The following UBAP2 variants were observed in gnomAD, a reference collection of about 807,000 sequenced individuals.
UBAP2 encodes the protein ubiquitin associated protein 2.
A neutral mutation model predicts 139.6 loss-of-function variants in UBAP2; 75 were observed. The observed-to-expected ratio is 0.54, with a 90% CI of 0.45 to 0.65. The LOEUF is 0.65. UBAP2 is among the 30% of genes least tolerant of loss of function. The pLI, the probability that UBAP2 is intolerant of heterozygous loss-of-function variation, is 0.00. For synonymous variants in UBAP2, 526 were observed against 526.2 expected, an observed-to-expected ratio of 1.00 and a Z score of 0.01; for missense variants, 1,368 against 1,369.6, an observed-to-expected ratio of 1.00 and a Z score of 0.02.
chr9:34,027,311 C>A (rs191594337), intron 1 of UBAP2, among the ~76,000 whole-genome samples: 24 of 151,678 alleles, frequency 1.6e-4, no homozygotes, highest in Admixed American at 1.3e-3. Flanking sequence ...TGAAACCCTA[C>A]CCTACTAAAA....
chr9:34,016,309 G>GC (rs1824305747), intron 2 of UBAP2, among the ~76,000 whole-genome samples: 1 of 122,350 alleles, frequency 8.2e-6, no homozygotes, highest in African/African-American at 3.2e-5. Context: ...GGAGGAAGAG[G>GC]AGGAAGAGAA....
chr9:34,014,636 C>T lies in UBAP2; in HGVS notation c.99+2414G>A, dbSNP rs185525601. Among the ~76,000 whole-genome samples, 6 of 149,508 alleles carry T rather than the reference C, an allele frequency of 4.0e-5. No homozygotes were observed. In the East Asian group the frequency reaches 1.2e-3, roughly 29 times the overall value. On this transcript the variant is annotated intron_variant, in intron 2 of 28. Coordinates refer to ENST00000379238, the MANE Select transcript of UBAP2 (RefSeq NM_001370062.2). ...AGAAGGAGACTCCATCTCGAAGAAACAAAAAAAAATTAGGCAGGCATGATG... is the reference window on the plus strand; with the variant it reads ...AGAAGGAGACTCCATCTCGAAGAAATAAAAAAAAATTAGGCAGGCATGATG...
At chr9:34,009,008 G>C (rs1442036209) in intron 2 of UBAP2, among the ~76,000 whole-genome samples, 1 of 150,040 alleles carries the variant, frequency 6.7e-6, no homozygotes, top group African/African-American at 2.4e-5. Flanking sequence ...AGGATAGCGG[G>C]GTGAATATAT....
At chr9:34,037,033 G>A (rs1272538941) in intron 1 of UBAP2, among the ~76,000 whole-genome samples, 1 of 144,942 alleles carries the variant, frequency 6.9e-6, no homozygotes, top group Non-Finnish European at 1.5e-5. Context: ...CTATCACCCG[G>A]GCTGGAGTGC....
intron 6 of UBAP2, among the ~76,000 whole-genome samples, chr9:33,977,135 T>C (rs1415665565): frequency 1.3e-5 from 2 of 150,602 alleles, no homozygotes; most frequent in Non-Finnish European, 3.0e-5. Flanking sequence ...ACCTCCCAGG[T>C]TCAGGCAATT....
intron 16 of UBAP2, among the ~76,000 whole-genome samples, chr9:33,937,653 A>T (rs907718928): frequency 6.6e-6 from 1 of 150,376 alleles, no homozygotes; most frequent in Non-Finnish European, 1.5e-5. Flanking sequence ...CATGCCTGTA[A>T]TCCTGGCACG....
At chr9:33,942,038 G>A (rs1021020201) in intron 15 of UBAP2, among the ~76,000 whole-genome samples, 176 bp from the exon 16 acceptor site, 1 of 152,138 alleles carries the variant, frequency 6.6e-6, no homozygotes, top group Non-Finnish European at 1.5e-5. Flanking sequence ...CTTAGGCTGC[G>A]TGCGGTGGCT....
chr9:33,984,221 A>G (rs2131123985), intron 6 of UBAP2, among the ~76,000 whole-genome samples: 1 of 152,258 alleles, frequency 6.6e-6, no homozygotes, highest in East Asian at 1.9e-4. Flanking sequence ...CTGGGATTTA[A>G]AAATATGGTC....
At chr9:33,926,899 G>T in intron 21 of UBAP2, 90 bp downstream of exon 21, 1 of 1,351,808 alleles carries the variant, frequency 7.4e-7, no homozygotes, top group Non-Finnish European at 1.1e-6. Context: ...CTCAAGGTGG[G>T]CAACCTGGGC....
intron 1 of UBAP2, among the ~76,000 whole-genome samples, chr9:34,044,552 A>G (rs1170402387): frequency 6.6e-6 from 1 of 151,910 alleles, no homozygotes; most frequent in Admixed American, 6.6e-5. Context: ...ACAGAGAAAG[A>G]CTGTCTCAAG....
At position 33,963,720 on chromosome 9, in the gene UBAP2, T is replaced by C. The variant is rs1459130723; in HGVS notation, c.745+6A>G. On this transcript the variant is annotated splice_donor_region_variant and intron_variant, in intron 9 of 28. Transcript: ENST00000379238. Reference sequence around the variant, plus strand: ...TTTTAAAAATTAAAAAATTAAGTATTCATACCTTTGAGTCCATAAGAACTT... The same window carrying C: ...TTTTAAAAATTAAAAAATTAAGTATCCATACCTTTGAGTCCATAAGAACTT... 6.3e-7 allele frequency: 1 copy of C among 1,578,538 alleles called. No individual in the cohort carries two copies. Among genetic ancestry groups the C allele is most frequent in the South Asian group, 1.1e-5 (1 of 89,630 alleles).
At chr9:34,035,287 G>T (rs867972227) in intron 1 of UBAP2, among the ~76,000 whole-genome samples, 1 of 151,544 alleles carries the variant, frequency 6.6e-6, no homozygotes, top group Non-Finnish European at 1.5e-5. Context: ...CGGATCACCT[G>T]AGGTCAGGAG....
intron 10 of UBAP2, among the ~76,000 whole-genome samples, chr9:33,959,960 T>C (rs1171081083): frequency 6.6e-6 from 1 of 152,148 alleles, no homozygotes; most frequent in Non-Finnish European, 1.5e-5. Context: ...TGCTTTAAGA[T>C]GGATTCTTGC....
chr9:34,027,585 C>T (rs918039867), intron 1 of UBAP2, among the ~76,000 whole-genome samples: 7 of 151,016 alleles, frequency 4.6e-5, no homozygotes, highest in Admixed American at 2.6e-4. Context: ...AGGCCAGGCA[C>T]GGTGGCTCAC....
chr9:34,031,762 G>T (rs1825908809), intron 1 of UBAP2, among the ~76,000 whole-genome samples: 1 of 149,374 alleles, frequency 6.7e-6, no homozygotes, highest in African/African-American at 2.5e-5. Context: ...TCTGGCCTGG[G>T]CAACACAGCA....
chr9:33,936,822 A>G (rs1388225865), intron 16 of UBAP2, among the ~76,000 whole-genome samples: 1 of 150,610 alleles, frequency 6.6e-6, no homozygotes, highest in Non-Finnish European at 1.5e-5. Flanking sequence ...ACTGAAGCAC[A>G]GTGGCCCACA....
intron 19 of UBAP2, among the ~76,000 whole-genome samples, chr9:33,930,943 A>C (rs1823926763): frequency 6.6e-6 from 1 of 151,128 alleles, no homozygotes; most frequent in African/African-American, 2.4e-5. Flanking sequence ...GGAAATGACT[A>C]CATGTATGCA....
Position 34,014,061 on chromosome 9 carries a change from A to G in UBAP2, c.99+2989T>C, listed in dbSNP as rs185344412. Among the ~76,000 whole-genome samples, 371 of 151,840 alleles carry G rather than the reference A, an allele frequency of 2.4e-3. 2 individuals carry two copies. The highest frequency in any genetic ancestry group is 8.6e-3 in the African/African-American group (358 of 41,414). On this transcript the variant is annotated intron_variant, in intron 2 of 28. Transcript: ENST00000379238. ...AAAAGGGCCAGGTGCAGTGGCTCACACCTGTAATCCCAACACCTTGGGAGA... is the reference window on the plus strand; with the variant it reads ...AAAAGGGCCAGGTGCAGTGGCTCACGCCTGTAATCCCAACACCTTGGGAGA...
intron 6 of UBAP2, among the ~76,000 whole-genome samples, chr9:33,978,604 C>A (rs1238732974): frequency 1.3e-5 from 2 of 151,804 alleles, no homozygotes; most frequent in Admixed American, 6.6e-5. Context: ...CACAGTGAAA[C>A]CCCATCTCTA....
Sources: gnomAD v4.1 joint callset for allele counts (sites outside exome capture counted in the v4.1 genomes callset) on GRCh38, gnomAD v4.1.1 for gene constraint, MANE v1.5 for transcripts, NCBI Gene and HGNC (gene_info 2026-07-23, HGNC 2026-07-21) for gene names.